Variants in PDE4B observed in about 807,000 individuals in gnomAD.
The protein encoded by PDE4B is 3',5'-cyclic-AMP phosphodiesterase 4B.
Under a neutral mutation model 82.2 loss-of-function variants are expected in PDE4B, and 20 were observed. The ratio of observed to expected loss-of-function variants is 0.24; its 90% CI spans 0.17 to 0.35. The LOEUF (loss-of-function observed/expected upper bound fraction) is 0.35. Among genes scored for constraint, PDE4B ranks in the 10% least tolerant of loss-of-function variants. PDE4B has a pLI of 1.00. For missense variants in PDE4B, 655 were observed against 907.2 expected (o/e 0.72, Z 3.57); for synonymous variants, 320 against 318.9 (o/e 1.00, Z -0.04).
At chr1:66,052,051 C>T (rs1419012915) in intron 3 of PDE4B, among the ~76,000 whole-genome samples, 1 of 152,244 alleles carries the variant, frequency 6.6e-6, no homozygotes, top group African/African-American at 2.4e-5. Flanking sequence ...TCTGCCAGTC[C>T]TGCTTCTTCC....
chr1:66,164,396 C>T (rs956433321), intron 3 of PDE4B, among the ~76,000 whole-genome samples: 2 of 151,528 alleles, frequency 1.3e-5, no homozygotes, highest in Admixed American at 1.3e-4. Flanking sequence ...AATAGCCCGG[C>T]GTGGTGGCAG....
At chr1:66,082,095 A>T (rs552849069) in intron 3 of PDE4B, among the ~76,000 whole-genome samples, 1 of 152,232 alleles carries the variant, frequency 6.6e-6, no homozygotes, top group South Asian at 2.1e-4. Flanking sequence ...GAGGAGCATT[A>T]AAACAAAGGA....
chr1:65,930,022 G>A (rs1468954060), intron 3 of PDE4B, among the ~76,000 whole-genome samples: 1 of 152,130 alleles, frequency 6.6e-6, no homozygotes, highest in Non-Finnish European at 1.5e-5. Context: ...AGAACTACTA[G>A]GATACAAAGT....
intron 1 of PDE4B, among the ~76,000 whole-genome samples, chr1:65,841,462 G>A (rs1260267729): frequency 6.6e-6 from 1 of 151,982 alleles, no homozygotes; most frequent in African/African-American, 2.4e-5. Flanking sequence ...GAGGAGTCTG[G>A]GGTAAGGTAC....
chr1:66,195,173 G>A (rs1052334176), intron 3 of PDE4B, among the ~76,000 whole-genome samples: 5 of 152,076 alleles, frequency 3.3e-5, no homozygotes, highest in Non-Finnish European at 5.9e-5. Flanking sequence ...AATGACAAGC[G>A]AACTCAGATG....
chr1:66,095,200 G>A (rs991188305), intron 3 of PDE4B, among the ~76,000 whole-genome samples: 1 of 151,870 alleles, frequency 6.6e-6, no homozygotes, highest in Non-Finnish European at 1.5e-5. Context: ...TTTTGAACTA[G>A]AAGAGTCTTT....
chr1:65,940,124 C>G (rs905602964), intron 3 of PDE4B, among the ~76,000 whole-genome samples: 1 of 152,056 alleles, frequency 6.6e-6, no homozygotes, highest in Non-Finnish European at 1.5e-5. Context: ...TACGGAAGTC[C>G]TCCAAGAGAG....
rs11372306 is a variant in PDE4B at position 66,011,223 on chromosome 1, CAAAA to C, written c.281+92401_281+92404del. Among the ~76,000 whole-genome samples the C allele has an allele frequency of 4.5e-5, 6 of 133,776 alleles. No homozygotes were observed. In the East Asian group the frequency reaches 6.7e-4, roughly 15 times the overall value. 87.8% of individuals were successfully genotyped at this position (133,776 alleles called of 152,430 possible). On this transcript the variant is annotated intron_variant, in intron 3 of 16. Transcript: ENST00000341517. ...TATTACAAATAAAACATTCATCTGC[CAAAA>C]AAAAAAAAAAAAGAACTGGTGAGTT...
At chr1:66,229,855 G>A (rs1436205044) in intron 3 of PDE4B, among the ~76,000 whole-genome samples, 2 of 152,014 alleles carry the variant, frequency 1.3e-5, no homozygotes, top group African/African-American at 4.8e-5. Flanking sequence ...TTTTATACAC[G>A]AGGAAACTAA....
chr1:66,096,508 TTATATATATATATATATA>T lies in PDE4B; in HGVS notation c.282-150935_282-150918del, dbSNP rs4068855. ...TTAAATGCGGTATAAGTAAAAAAAA[TTATATATATATATATATA>T]TATATATATATATATACTGCATTTC... On this transcript the variant is annotated intron_variant, in intron 3 of 16. Coordinates refer to ENST00000341517, the MANE Select transcript of PDE4B (RefSeq NM_002600.4). Among the ~76,000 whole-genome samples, 29 of 107,320 alleles carry T rather than the reference TTATATATATATATATATA, an allele frequency of 2.7e-4. 1 individual carries two copies. Among genetic ancestry groups the T allele is most frequent in the African/African-American group, 7.4e-4 (22 of 29,644 alleles). 70.4% of individuals were successfully genotyped at this position (107,320 alleles called of 152,430 possible).
chr1:65,821,244 T>A (rs936639883), intron 1 of PDE4B, among the ~76,000 whole-genome samples: 1 of 152,238 alleles, frequency 6.6e-6, no homozygotes, highest in Non-Finnish European at 1.5e-5. Flanking sequence ...CAGTCTTTTT[T>A]ATTCTTGCTT....
chr1:65,967,191 G>GA (rs962899557), intron 3 of PDE4B, among the ~76,000 whole-genome samples: 17 of 151,418 alleles, frequency 1.1e-4, no homozygotes, highest in East Asian at 1.9e-4. Flanking sequence ...AAATTTACAA[G>GA]AAAAAAAACA....
chr1:65,923,728 T>C (rs1457232647), intron 3 of PDE4B, among the ~76,000 whole-genome samples: 2 of 152,226 alleles, frequency 1.3e-5, no homozygotes, highest in East Asian at 3.8e-4. Flanking sequence ...ATCACTCTAA[T>C]TGTCTTTCTT....
chr1:65,851,935 T>A (rs182669680), intron 1 of PDE4B, among the ~76,000 whole-genome samples: 1 of 152,124 alleles, frequency 6.6e-6, no homozygotes, highest in African/African-American at 2.4e-5. Flanking sequence ...CTGAGAGTTT[T>A]AAAATATGTT....
chr1:66,237,291 G>A (rs975539561), intron 3 of PDE4B, among the ~76,000 whole-genome samples: 2 of 152,120 alleles, frequency 1.3e-5, no homozygotes, highest in Non-Finnish European at 2.9e-5. Context: ...TATGTAGACC[G>A]GAGGCTGAGG....
At chr1:65,841,851 T>C (rs1417852585) in intron 1 of PDE4B, among the ~76,000 whole-genome samples, 1 of 152,168 alleles carries the variant, frequency 6.6e-6, no homozygotes, top group East Asian at 1.9e-4. Flanking sequence ...TTTTGGATTG[T>C]TGTCTGTTTT....
chr1:66,319,017 A>G (rs1012731076), intron 7 of PDE4B, among the ~76,000 whole-genome samples: 1 of 152,228 alleles, frequency 6.6e-6, no homozygotes, highest in Admixed American at 6.5e-5. Context: ...TTTGCAGAAG[A>G]AAATCAGTAA....
chr1:66,052,632 C>T lies in PDE4B; in HGVS notation c.281+133797C>T, dbSNP rs530322831. Among the ~76,000 whole-genome samples, 9 of 146,930 alleles carry T rather than the reference C, an allele frequency of 6.1e-5. No homozygotes were observed. In the East Asian group the frequency reaches 6.4e-4, roughly 10 times the overall value. ...TTAACCTAATTTGCTTCCTCATGTT[C>T]GTAAGCCACAGCTGTTTCCCAGAAC... On this transcript the variant is annotated intron_variant, in intron 3 of 16. Transcript: ENST00000341517.
intron 3 of PDE4B, among the ~76,000 whole-genome samples, chr1:66,187,138 T>C (rs1318438506): frequency 6.6e-6 from 1 of 152,236 alleles, no homozygotes; most frequent in Non-Finnish European, 1.5e-5. Context: ...ATTACGTTTA[T>C]TGATTTGCAT....
Sources: gnomAD v4.1 joint callset for allele counts (sites outside exome capture counted in the v4.1 genomes callset) on GRCh38, gnomAD v4.1.1 for gene constraint, MANE v1.5 for transcripts, NCBI Gene and HGNC (gene_info 2026-07-23, HGNC 2026-07-21) for gene names.